The following LARP1B variants were observed in gnomAD, a reference collection of about 807,000 sequenced individuals.
The protein encoded by LARP1B is la-related protein 1B.
A neutral mutation model predicts 114.2 loss-of-function variants in LARP1B; 76 were observed. The observed-to-expected ratio is 0.67, with a 90% CI of 0.55 to 0.81. The LOEUF (loss-of-function observed/expected upper bound fraction) is 0.81, where lower values mean the gene tolerates loss of function less well. Ranked by LOEUF, LARP1B falls within the 30% of genes least tolerant of loss-of-function variation. LARP1B has a pLI of 0.00. For missense variants in LARP1B, 1,014 were observed against 1,075.8 expected (o/e 0.94, Z 0.80); for synonymous variants, 345 against 348.0 (o/e 0.99, Z 0.10).
intron 11 of LARP1B, among the ~76,000 whole-genome samples, chr4:128,126,993 A>C (rs891370553): frequency 6.6e-6 from 1 of 152,156 alleles, no homozygotes; most frequent in East Asian, 1.9e-4. Context: ...TTTAGCCAGA[A>C]AAAAAAGAGA....
chr4:128,083,182 A>G (rs1176333836), intron 5 of LARP1B, among the ~76,000 whole-genome samples: 2 of 152,214 alleles, frequency 1.3e-5, no homozygotes, highest in African/African-American at 2.4e-5. Context: ...TTATCTTAGT[A>G]CAGAACAAAA....
intron 5 of LARP1B, among the ~76,000 whole-genome samples, chr4:128,087,664 TAAA>T (rs1463145404): frequency 1.3e-5 from 2 of 152,204 alleles, no homozygotes; most frequent in Non-Finnish European, 1.5e-5. Flanking sequence ...TAGTACCATC[TAAA>T]ATCTAGTCAA....
intron 1 of LARP1B, among the ~76,000 whole-genome samples, chr4:128,064,881 C>A (rs1761794825): frequency 6.6e-6 from 1 of 151,840 alleles, no homozygotes; most frequent in Non-Finnish European, 1.5e-5. Flanking sequence ...TGCATTCTAG[C>A]CTGGGCAATA....
intron 11 of LARP1B, among the ~76,000 whole-genome samples, chr4:128,134,213 C>G (rs541936683): frequency 1.3e-5 from 2 of 151,978 alleles, no homozygotes; most frequent in South Asian, 2.1e-4. Flanking sequence ...CTTGTTATAC[C>G]TGGTTTCAAA....
chr4:128,102,249 A>G (rs1170696416), intron 8 of LARP1B, among the ~76,000 whole-genome samples: 2 of 152,226 alleles, frequency 1.3e-5, no homozygotes, highest in African/African-American at 4.8e-5. Context: ...GTGTTAACAT[A>G]TCAAGATCAT....
chr4:128,124,533 G>A (rs748280958), intron 11 of LARP1B, among the ~76,000 whole-genome samples: 4 of 152,286 alleles, frequency 2.6e-5, no homozygotes, highest in Middle Eastern at 3.4e-3. Context: ...TCATTTATGC[G>A]CCATGTTAAA....
chr4:128,180,194 C>G lies in LARP1B; in HGVS notation c.2003+682C>G, dbSNP rs571331221. Among the ~76,000 whole-genome samples, 94 of 152,172 alleles carry G rather than the reference C, an allele frequency of 6.2e-4. 1 individual carries two copies. Among genetic ancestry groups the G allele is most frequent in the African/African-American group, 2.1e-3 (89 of 41,506 alleles). On this transcript the variant is annotated intron_variant, in intron 15 of 19. Transcript: ENST00000326639. The stretch of plus-strand genomic sequence containing the variant: ...CTCAAACTTCTGGCCTCAAGCAGTC[C>G]TCCTACCTCAGCCTTGTAAAGTGCT...
intron 11 of LARP1B, among the ~76,000 whole-genome samples, chr4:128,140,824 G>GTTGCTTTTTT: frequency 7.2e-6 from 1 of 138,628 alleles, no homozygotes; most frequent in South Asian, 2.3e-4. Context: ...AATTGTCTCT[G>GTTGCTTTTTT]TTTTTTTTTT....
chr4:128,101,418 A>G (rs1580384323), intron 8 of LARP1B, among the ~76,000 whole-genome samples: 1 of 152,086 alleles, frequency 6.6e-6, no homozygotes, highest in East Asian at 1.9e-4. Flanking sequence ...TGTTTTGAAA[A>G]TAACATAAAA....
intron 15 of LARP1B, among the ~76,000 whole-genome samples, chr4:128,195,537 C>T (rs1753791011): frequency 6.6e-6 from 1 of 152,148 alleles, no homozygotes; most frequent in Non-Finnish European, 1.5e-5. Flanking sequence ...CTGTGCTCAA[C>T]ATTTTACATG....
chr4:128,210,226 G>T lies in LARP1B; in HGVS notation c.*173G>T. Reference sequence around the variant, plus strand: ...AGAAGAAAAAGAAAGAAAAGTGGTAGCATTTTTTCTAACAAGATAAATTCT... The same window carrying T: ...AGAAGAAAAAGAAAGAAAAGTGGTATCATTTTTTCTAACAAGATAAATTCT... On this transcript the variant is annotated 3_prime_UTR_variant, in exon 20 of 20. Transcript: ENST00000326639. 2.1e-6 allele frequency: 3 copies of T among 1,415,046 alleles called. No individual in the cohort carries two copies. Among genetic ancestry groups the T allele is most frequent in the South Asian group, 1.7e-5 (1 of 59,978 alleles). The allele number at this position is 1,415,046 out of a possible 1,614,324, so 87.7% of individuals were successfully genotyped here. A position where few individuals can be genotyped will look rare whatever the true frequency, so the allele number is the denominator to read the frequency against.
At chr4:128,073,593 TTTTTTTTTTTTTTTTTG>T (rs1438406550) in intron 1 of LARP1B, among the ~76,000 whole-genome samples, 1 of 34,290 alleles carries the variant, frequency 2.9e-5, no homozygotes, top group African/African-American at 8.2e-5. Flanking sequence ...TTTTTTTTTT[TTTTTTTTTTTTTTTTTG>T]GACAGAGTCT....
intron 8 of LARP1B, among the ~76,000 whole-genome samples, chr4:128,102,520 T>G (rs1780666822): frequency 6.6e-6 from 1 of 152,244 alleles, no homozygotes; most frequent in African/African-American, 2.4e-5. Context: ...AGTTTTTCCT[T>G]TCTTGAAAAA....
intron 10 of LARP1B, among the ~76,000 whole-genome samples, chr4:128,117,199 GC>G (rs1397728186): frequency 6.6e-6 from 1 of 150,748 alleles, no homozygotes; most frequent in Non-Finnish European, 1.5e-5. Flanking sequence ...GCCATGCCCG[GC>G]CTGAGATTTT....
intron 11 of LARP1B, among the ~76,000 whole-genome samples, chr4:128,149,078 G>A (rs900472411): frequency 2.6e-5 from 4 of 152,134 alleles, no homozygotes; most frequent in South Asian, 2.1e-4. Context: ...TCATCCTTTC[G>A]TTAGGTTTTT....
rs188001991 is a variant in LARP1B at position 128,111,626 on chromosome 4, G to A, written c.989-2944G>A. Among the ~76,000 whole-genome samples, 479 of 152,194 alleles carry A rather than the reference G, an allele frequency of 3.1e-3. 4 individuals carry two copies. The highest frequency in any genetic ancestry group is 0.011 in the African/African-American group (454 of 41,520). On this transcript the variant is annotated intron_variant, in intron 9 of 19. Transcript: ENST00000326639. ...GCTGAGTTGAGAGGATTACTTGAGC[G>A]CAGGAGTTTGAGGCTGTAGTGAGCT...
At chr4:128,066,284 C>T (rs1278857841) in intron 1 of LARP1B, among the ~76,000 whole-genome samples, 1 of 143,910 alleles carries the variant, frequency 6.9e-6, no homozygotes, top group Non-Finnish European at 1.5e-5. Context: ...TCACACTGTT[C>T]TCCTGCCTCA....
chr4:128,082,334 C>G (rs757865114), intron 5 of LARP1B, 29 bp downstream of exon 5: 2 of 1,599,596 alleles, frequency 1.3e-6, no homozygotes, highest in African/African-American at 1.3e-5. Flanking sequence ...ACAAAAATGA[C>G]TAAGGAAAGA....
At position 128,068,171 on chromosome 4, in the gene LARP1B, C is replaced by T. The variant is rs531047458; in HGVS notation, c.-77-6289C>T. On this transcript the variant is annotated intron_variant, in intron 1 of 19. Coordinates refer to ENST00000326639, the MANE Select transcript of LARP1B (RefSeq NM_018078.4). ...CTGGGATTATAGGCGTGAGCCACTG[C>T]GCCCGGCCAATAATTTTTGTATATT... is the stretch of plus-strand genomic sequence containing the variant. Among the ~76,000 whole-genome samples the T allele has an allele frequency of 3.1e-3, 474 of 152,276 alleles. 4 individuals are homozygous for T. The highest frequency in any genetic ancestry group is 0.011 in the African/African-American group (455 of 41,554).
Sources: allele counts gnomAD v4.1 joint callset (sites outside exome capture counted in the v4.1 genomes callset), GRCh38; gene constraint gnomAD v4.1.1; transcripts MANE v1.5; gene names NCBI Gene and HGNC (gene_info 2026-07-23, HGNC 2026-07-21).